TTC39C: variants seen among roughly 807,000 people sequenced by gnomAD.
TTC39C encodes tetratricopeptide repeat domain 39C, also known as tetratricopeptide repeat protein 39C.
In TTC39C, 33 loss-of-function variants were observed where a neutral mutation model predicts 76.3. The observed-to-expected ratio is 0.43, with a 90% CI of 0.33 to 0.58. The LOEUF (loss-of-function observed/expected upper bound fraction) is 0.58, where lower values mean the gene tolerates loss of function less well. Ranked by LOEUF, TTC39C falls within the 20% of genes least tolerant of loss-of-function variation. The pLI, the probability that TTC39C is intolerant of heterozygous loss-of-function variation, is 0.04. For missense variants in TTC39C, 595 were observed against 701.4 expected (o/e 0.85, Z 1.71); for synonymous variants, 254 against 260.6 (o/e 0.97, Z 0.24).
chr18:24,095,080 C>T (rs570780790), intron 6 of TTC39C, among the ~76,000 whole-genome samples: 33 of 152,332 alleles, frequency 2.2e-4, no homozygotes, highest in African/African-American at 7.5e-4. Flanking sequence ...GCTAGATCTT[C>T]TGGTTTTCTT....
In TTC39C at chr18:24,004,209, C is replaced by T. The variant is rs914541058; in HGVS notation, c.-17+11171C>T. 4.6e-5 allele frequency among the ~76,000 whole-genome samples: 7 copies of T among 152,216 alleles called. No homozygotes were observed. The South Asian group carries it at 6.2e-4, about 14-fold the overall frequency. ...TAAGATTGCTCCTGAGCCCAGCCAGCTGTTGTTCTTTGGCCTGGATTTGGG... is the reference window on the plus strand; with the variant it reads ...TAAGATTGCTCCTGAGCCCAGCCAGTTGTTGTTCTTTGGCCTGGATTTGGG... On this transcript the variant is annotated intron_variant, in intron 1 of 13. Coordinates refer to the TTC39C transcript ENST00000304621.
At chr18:24,108,567 C>T (rs8095081) in intron 6 of TTC39C, among the ~76,000 whole-genome samples, 4 of 152,118 alleles carry the variant, frequency 2.6e-5, no homozygotes, top group Admixed American at 6.5e-5. Context: ...GTGTTGACTG[C>T]GACAATCATT....
intron 4 of TTC39C, among the ~76,000 whole-genome samples, chr18:24,072,016 C>T (rs1347925677): frequency 1.3e-5 from 2 of 152,172 alleles, no homozygotes; most frequent in East Asian, 3.8e-4. Flanking sequence ...CAAACAAACA[C>T]AACCAACAAT....
intron 8 of TTC39C, among the ~76,000 whole-genome samples, chr18:24,122,394 C>G (rs1029406136): frequency 4.7e-5 from 7 of 148,206 alleles, no homozygotes; most frequent in African/African-American, 1.5e-4. Flanking sequence ...CCCAGCTACT[C>G]AGGAGGCTGA....
At chr18:24,042,293 T>C in intron 1 of TTC39C, among the ~76,000 whole-genome samples, 1 of 152,078 alleles carries the variant, frequency 6.6e-6, no homozygotes, top group East Asian at 1.9e-4. Flanking sequence ...TGGGTGACAG[T>C]TTTTCTAAGG....
At chr18:23,996,254 A>T (rs1039615404) in intron 1 of TTC39C, among the ~76,000 whole-genome samples, 2 of 152,168 alleles carry the variant, frequency 1.3e-5, no homozygotes, top group African/African-American at 4.8e-5. Context: ...TTCTAATTGG[A>T]TTTGGGCATG....
chr18:24,116,786 GGCTTCAGCAGGTA>G (rs2084897048), intron 7 of TTC39C, among the ~76,000 whole-genome samples: 1 of 149,896 alleles, frequency 6.7e-6, no homozygotes. Flanking sequence ...TTAGTTGTAT[GGCTTCAGCAGGTA>G]GCTACCTCTT....
At chr18:24,119,071 A>C (rs1028998472) in intron 8 of TTC39C, among the ~76,000 whole-genome samples, 2 of 152,190 alleles carry the variant, frequency 1.3e-5, no homozygotes, top group African/African-American at 4.8e-5. Context: ...ATAATATTTT[A>C]GATGCAAGGT....
intron 6 of TTC39C, among the ~76,000 whole-genome samples, chr18:24,102,790 C>G (rs1350000132): frequency 6.6e-6 from 1 of 152,166 alleles, no homozygotes; most frequent in East Asian, 1.9e-4. Context: ...CCGGGATAAG[C>G]TTATTAAAGC....
intron 1 of TTC39C, among the ~76,000 whole-genome samples, chr18:24,020,986 G>A (rs1243222204): frequency 1.3e-5 from 2 of 152,056 alleles, no homozygotes; most frequent in South Asian, 2.1e-4. Context: ...ATCCCCAAAC[G>A]TGGTATTTCA....
At chr18:24,022,773 C>T in intron 1 of TTC39C, 1 of 985,434 alleles carries the variant, frequency 1.0e-6, no homozygotes, top group Non-Finnish European at 1.2e-6. Context: ...TGATGTGGCC[C>T]TGTCTGCTTC....
chr18:24,123,770 C>A (rs2145823364), intron 8 of TTC39C, 64 bp from the exon 9 acceptor site: 2 of 1,168,066 alleles, frequency 1.7e-6, no homozygotes, highest in South Asian at 1.5e-5. Flanking sequence ...ATCATCACTT[C>A]AGGTATCCCT....
At chr18:24,132,370 C>T in intron 13 of TTC39C, 115 bp from the exon 14 acceptor site, 1 of 737,250 alleles carries the variant, frequency 1.4e-6, no homozygotes, top group Non-Finnish European at 2.1e-6. Flanking sequence ...GAAACCTTTA[C>T]TGGGAGTGTA....
intron 4 of TTC39C, among the ~76,000 whole-genome samples, chr18:24,078,259 A>G (rs910143924): frequency 2.0e-5 from 3 of 152,222 alleles, no homozygotes; most frequent in Admixed American, 6.5e-5. Flanking sequence ...CCCCTGGGTG[A>G]TATGTTCATC....
intron 1 of TTC39C, among the ~76,000 whole-genome samples, chr18:24,047,054 A>T (rs1349503034): frequency 6.6e-6 from 1 of 151,788 alleles, no homozygotes; most frequent in Admixed American, 6.6e-5. Context: ...TACAGTTTGC[A>T]GTTTCTTAAG....
At chr18:24,124,428 T>C (rs1186265242) in intron 9 of TTC39C, 2 of 152,346 alleles carry the variant, frequency 1.3e-5, no homozygotes, top group Non-Finnish European at 2.9e-5. Context: ...AAATGCAGGC[T>C]GTCTGGGGTT....
intron 1 of TTC39C, among the ~76,000 whole-genome samples, chr18:24,003,796 G>A (rs1355869606): frequency 6.6e-6 from 1 of 152,138 alleles, no homozygotes; most frequent in East Asian, 1.9e-4. Flanking sequence ...CACCCAGATT[G>A]GAGTACAGTG....
intron 7 of TTC39C, among the ~76,000 whole-genome samples, chr18:24,115,489 T>C (rs998030663): frequency 2.7e-4 from 41 of 152,114 alleles, no homozygotes; most frequent in Admixed American, 2.0e-3. Context: ...ATGTAGCACA[T>C]AAAAAGGAAT....
At chr18:24,132,258 C>A (rs553351608) in intron 13 of TTC39C, among the ~76,000 whole-genome samples, 1 of 152,214 alleles carries the variant, frequency 6.6e-6, no homozygotes, top group African/African-American at 2.4e-5. Context: ...AAGAATAACT[C>A]GAGGAAAATT....
Sources: allele counts gnomAD v4.1 joint callset (sites outside exome capture counted in the v4.1 genomes callset), GRCh38; gene constraint gnomAD v4.1.1; transcripts MANE v1.5; gene names NCBI Gene and HGNC (gene_info 2026-07-23, HGNC 2026-07-21).